The following PVT1 variants were observed in gnomAD, a reference collection of about 807,000 sequenced individuals.
The protein encoded by PVT1 is Pvt1 oncogene.
chr8:127,968,054 G>C (rs1230616162), intron 3 of PVT1, among the ~76,000 whole-genome samples: 1 of 152,206 alleles, frequency 6.6e-6, no homozygotes, highest in Non-Finnish European at 1.5e-5. Flanking sequence ...TCCTGTGTAG[G>C]AGAGTGGAGC....
chr8:127,938,834 A>C (rs1350187657), intron 3 of PVT1, among the ~76,000 whole-genome samples: 2 of 152,306 alleles, frequency 1.3e-5, no homozygotes, highest in Non-Finnish European at 1.5e-5. Context: ...TGGTGCAGTC[A>C]TCGTGTGGCG....
At chr8:128,080,884 G>C (rs566306116) in intron 5 of PVT1, among the ~76,000 whole-genome samples, 3 of 152,250 alleles carry the variant, frequency 2.0e-5, no homozygotes, top group Admixed American at 1.3e-4. Context: ...GGTAATTTTT[G>C]TGAAGGGTTT....
chr8:128,096,857 T>C (rs1448334310), intron 6 of PVT1, among the ~76,000 whole-genome samples: 1 of 152,222 alleles, frequency 6.6e-6, no homozygotes, highest in Non-Finnish European at 1.5e-5. Context: ...TAAACTGCGA[T>C]GGGAATGATG....
intron 4 of PVT1, among the ~76,000 whole-genome samples, chr8:128,013,225 A>G (rs751245982): frequency 6.6e-6 from 1 of 152,148 alleles, no homozygotes; most frequent in Admixed American, 6.5e-5. Context: ...CATGGGGATA[A>G]TAATACTAGT....
intron 6 of PVT1, chr8:128,099,694 T>C (rs1814476766): frequency 6.6e-6 from 1 of 152,232 alleles, no homozygotes; most frequent in Non-Finnish European, 1.5e-5. Flanking sequence ...CAGTCAAATA[T>C]ACCCAGCTCA....
intron 3 of PVT1, among the ~76,000 whole-genome samples, chr8:127,988,907 A>G (rs1030315341): frequency 6.6e-6 from 1 of 152,216 alleles, no homozygotes; most frequent in Non-Finnish European, 1.5e-5. Context: ...TTCTGCCCTG[A>G]CTGCCTGTGT....
At chr8:128,076,995 C>T (rs1281469269) in intron 5 of PVT1, among the ~76,000 whole-genome samples, 1 of 152,212 alleles carries the variant, frequency 6.6e-6, no homozygotes, top group African/African-American at 2.4e-5. Flanking sequence ...GGGTATTCCC[C>T]TGCTTTGAGG....
At chr8:127,794,526 C>T (rs1814371304), upstream of PVT1, 1 of 151,176 alleles carries the variant, frequency 6.6e-6, no homozygotes, top group Admixed American at 6.6e-5. Context: ...CCGCCAGCCC[C>T]GCGCTCCTCC....
chr8:127,804,341 CTTAT>C (rs1169670122), intron 2 of PVT1, among the ~76,000 whole-genome samples: 3 of 151,908 alleles, frequency 2.0e-5, no homozygotes, highest in Non-Finnish European at 2.9e-5. Flanking sequence ...TTTATTTTTA[CTTAT>C]TTATTTATTT....
intron 3 of PVT1, among the ~76,000 whole-genome samples, chr8:127,915,693 T>C (rs1365008139): frequency 3.3e-5 from 5 of 151,010 alleles, no homozygotes; most frequent in Admixed American, 6.6e-5. Flanking sequence ...AGAGATGGGA[T>C]GGGTTCATTA....
At chr8:127,832,284 C>G (rs1814858921) in intron 2 of PVT1, among the ~76,000 whole-genome samples, 3 of 152,206 alleles carry the variant, frequency 2.0e-5, no homozygotes, top group Non-Finnish European at 4.4e-5. Context: ...AAATGCTTGC[C>G]ACACTTGTTA....
At chr8:128,006,145 T>TAATAATAATAAAAAA in intron 4 of PVT1, among the ~76,000 whole-genome samples, 2 of 134,388 alleles carry the variant, frequency 1.5e-5, no homozygotes, top group South Asian at 4.7e-4. Context: ...ATAATAATAA[T>TAATAATAATAAAAAA]AATAAAAAGA....
chr8:128,000,830 CA>C (rs1817168959), intron 4 of PVT1, among the ~76,000 whole-genome samples: 1 of 152,202 alleles, frequency 6.6e-6, no homozygotes, highest in South Asian at 2.1e-4. Flanking sequence ...CAAGGTCCTC[CA>C]GGCTTCTCAG....
At chr8:127,940,741 C>T (rs1586446625) in intron 3 of PVT1, among the ~76,000 whole-genome samples, 1 of 152,184 alleles carries the variant, frequency 6.6e-6, no homozygotes, top group South Asian at 2.1e-4. Context: ...GCTGGGACTT[C>T]AGGCATGAGC....
chr8:127,923,098 A>T (rs1274150538), intron 3 of PVT1, among the ~76,000 whole-genome samples: 1 of 152,104 alleles, frequency 6.6e-6, no homozygotes, highest in African/African-American at 2.4e-5. Context: ...TGGTAATCTC[A>T]TTTGCTGGGT....
intron 2 of PVT1, among the ~76,000 whole-genome samples, chr8:127,853,846 G>A (rs145534020): frequency 2.6e-5 from 4 of 151,828 alleles, no homozygotes; most frequent in Non-Finnish European, 4.4e-5. Flanking sequence ...GAAGAAAGGC[G>A]GGGCACGATG....
At chr8:127,906,028 A>G (rs1815815858) in intron 3 of PVT1, among the ~76,000 whole-genome samples, 1 of 152,174 alleles carries the variant, frequency 6.6e-6, no homozygotes, top group African/African-American at 2.4e-5. Context: ...CACACACACC[A>G]AGTATCCATG....
At chr8:128,051,884 C>T (rs1236599682) in intron 4 of PVT1, among the ~76,000 whole-genome samples, 42 of 152,132 alleles carry the variant, frequency 2.8e-4, no homozygotes, top group Non-Finnish European at 4.4e-5. Context: ...TGAGTTTCTT[C>T]AAGACAATTA....
At chr8:127,836,478 G>A (rs1814910281) in intron 2 of PVT1, among the ~76,000 whole-genome samples, 1 of 152,080 alleles carries the variant, frequency 6.6e-6, no homozygotes. Flanking sequence ...ACAGGCTGCA[G>A]AGGGTTAGGT....
Sources: allele counts gnomAD v4.1 joint callset (sites outside exome capture counted in the v4.1 genomes callset), GRCh38; gene constraint gnomAD v4.1.1; transcripts MANE v1.5; gene names NCBI Gene and HGNC (gene_info 2026-07-23, HGNC 2026-07-21).